PROM1: variants seen among roughly 807,000 people sequenced by gnomAD.
PROM1 encodes prominin 1.
Under a neutral mutation model 116.9 loss-of-function variants are expected in PROM1, and 105 were observed. The observed-to-expected ratio is 0.90, with a 90% CI of 0.77 to 1.06. PROM1 has a LOEUF of 1.06. Among genes scored for constraint, PROM1 ranks in the 50% least tolerant of loss-of-function variants. The pLI is 0.00. For synonymous variants in PROM1, 393 were observed against 387.0 expected, an observed-to-expected ratio of 1.02 and a Z score of -0.18; for missense variants, 1,122 against 1,045.2, an observed-to-expected ratio of 1.07 and a Z score of -1.01.
In PROM1 at chr4:16,076,026, T is replaced by C; in HGVS notation, c.-120A>G. ...GAAGAGGAGCAGGAAGCACTGGATC[T>C]GCTGAATCTTCAGTTTTCTGTCTGA... On this transcript the variant is annotated 5_prime_UTR_variant, in exon 2 of 28. Coordinates refer to ENST00000447510, the MANE Select transcript of PROM1 (RefSeq NM_006017.3). 1 of 1,443,758 alleles carries C rather than the reference T, an allele frequency of 6.9e-7. No homozygotes were observed. Among genetic ancestry groups the C allele is most frequent in the Middle Eastern group, 2.6e-4 (1 of 3,886 alleles). 89.4% of individuals were successfully genotyped at this position (1,443,758 alleles called of 1,614,324 possible).
chr4:16,039,048 T>C (rs930091656), intron 2 of PROM1, 47 bp from the exon 3 acceptor site: 4 of 1,399,850 alleles, frequency 2.9e-6, no homozygotes, highest in African/African-American at 1.5e-5. Flanking sequence ...TCAGTAAAAT[T>C]ATAAAATGCA....
At chr4:15,995,849 T>C (rs1262858818) in intron 15 of PROM1, among the ~76,000 whole-genome samples, 2 of 152,218 alleles carry the variant, frequency 1.3e-5, no homozygotes, top group Non-Finnish European at 2.9e-5. Flanking sequence ...CCTGTAAGTA[T>C]CACTGTATTC....
rs1256883971 is a variant in PROM1 at position 15,989,718 on chromosome 4, T to C, written c.2076+14A>G. 1.9e-6 allele frequency: 3 copies of C among 1,574,696 alleles called. No homozygotes were observed. Among genetic ancestry groups the C allele is most frequent in the Non-Finnish European group, 2.6e-6 (3 of 1,151,894 alleles). ...TCAGGTCACAGTGAAATACAATACGTCGTTGACTGTTACCAGTGATTGTTC... is the reference window on the plus strand; with the variant it reads ...TCAGGTCACAGTGAAATACAATACGCCGTTGACTGTTACCAGTGATTGTTC... On this transcript the variant is annotated intron_variant, in intron 19 of 27. Coordinates refer to ENST00000447510, the MANE Select transcript of PROM1 (RefSeq NM_006017.3).
intron 2 of PROM1, among the ~76,000 whole-genome samples, chr4:16,054,746 G>A (rs980829237): frequency 2.0e-5 from 3 of 152,048 alleles, no homozygotes; most frequent in Non-Finnish European, 4.4e-5. Flanking sequence ...AATCCAGCCA[G>A]ATCCCCGACC....
intron 1 of PROM1, chr4:16,079,862 A>T (rs112480360): frequency 1.3e-5 from 2 of 151,822 alleles, no homozygotes; most frequent in Non-Finnish European, 2.9e-5. Context: ...AAGCTCCCCA[A>T]ATGCCCTTTT....
chr4:16,028,558 T>C (rs560730713), intron 5 of PROM1, among the ~76,000 whole-genome samples: 1 of 152,212 alleles, frequency 6.6e-6, no homozygotes, highest in Admixed American at 6.5e-5. Flanking sequence ...AAACCTTCTA[T>C]TCAAACACAA....
At chr4:16,018,271 C>T (rs1424504546) in intron 9 of PROM1, 52 bp downstream of exon 9, 15 of 1,573,998 alleles carry the variant, frequency 9.5e-6, no homozygotes, top group Middle Eastern at 2.3e-4. Flanking sequence ...TAGCCCTGCC[C>T]GGCAATCCCC....
intron 8 of PROM1, 121 bp downstream of exon 8, chr4:16,023,205 G>A: frequency 1.2e-6 from 1 of 804,794 alleles, no homozygotes; most frequent in Non-Finnish European, 2.1e-6. Flanking sequence ...CTGTCTGCAT[G>A]GCCACGGACG....
chr4:15,999,786 G>GA (rs1166527273), intron 14 of PROM1, among the ~76,000 whole-genome samples: 1 of 151,096 alleles, frequency 6.6e-6, no homozygotes, highest in Non-Finnish European at 1.5e-5. Flanking sequence ...ATCTTAGGCG[G>GA]AAAAATGTAT....
chr4:16,006,180 A>G (rs1725419155), intron 13 of PROM1, among the ~76,000 whole-genome samples: 1 of 152,260 alleles, frequency 6.6e-6, no homozygotes, highest in South Asian at 2.1e-4. Flanking sequence ...GTGAGTGAAT[A>G]AATGAATGAA....
intron 26 of PROM1, chr4:15,971,849 T>C (rs1337529901): frequency 6.6e-6 from 1 of 152,258 alleles, no homozygotes; most frequent in Non-Finnish European, 1.5e-5. Context: ...CTAAAGTTTT[T>C]CACTTTAGAA....
intron 13 of PROM1, among the ~76,000 whole-genome samples, chr4:16,002,633 T>A (rs1381418696): frequency 1.3e-5 from 2 of 152,100 alleles, no homozygotes; most frequent in African/African-American, 4.8e-5. Context: ...TTCTCTGACC[T>A]ACAAGGCTTC....
chr4:16,058,396 G>T (rs1445739936), intron 2 of PROM1, among the ~76,000 whole-genome samples: 2 of 152,112 alleles, frequency 1.3e-5, no homozygotes, highest in African/African-American at 4.8e-5. Context: ...TAAACTATCA[G>T]AAATGAAAAA....
At chr4:15,992,137 G>A (rs1721211744) in intron 17 of PROM1, 111 bp downstream of exon 17, 1 of 1,398,724 alleles carries the variant, frequency 7.1e-7, no homozygotes, top group Non-Finnish European at 1.0e-6. Context: ...CTTTAAAATA[G>A]TCTTACATCA....
chr4:16,081,869 T>C (rs1745104479), intron 1 of PROM1, among the ~76,000 whole-genome samples: 1 of 151,544 alleles, frequency 6.6e-6, no homozygotes, highest in South Asian at 2.1e-4. Context: ...TAGAAAAGTT[T>C]AGAAATCAGA....
chr4:15,974,649 T>A (rs1303646047), intron 26 of PROM1, among the ~76,000 whole-genome samples: 1 of 152,174 alleles, frequency 6.6e-6, no homozygotes, highest in African/African-American at 2.4e-5. Context: ...TTTTTTTTCA[T>A]TTATAAACAC....
At chr4:16,015,116 C>T (rs930802206) in intron 10 of PROM1, among the ~76,000 whole-genome samples, 1 of 150,604 alleles carries the variant, frequency 6.6e-6, no homozygotes, top group African/African-American at 2.4e-5. Flanking sequence ...GAGGCCGAGG[C>T]GGGTGGGTCA....
intron 14 of PROM1, among the ~76,000 whole-genome samples, chr4:15,999,584 C>T (rs73230290): frequency 0.12 from 18,704 of 152,066 alleles, 1,367 homozygotes; most frequent in Non-Finnish European, 0.17. Context: ...TGAAATATCC[C>T]GTACTTAAGA....
At chr4:16,053,961 G>A (rs1416654873) in intron 2 of PROM1, among the ~76,000 whole-genome samples, 1 of 152,206 alleles carries the variant, frequency 6.6e-6, no homozygotes, top group African/African-American at 2.4e-5. Flanking sequence ...AGGTGTGGTG[G>A]TGAGCACTTG....
Sources: allele counts gnomAD v4.1 joint callset (sites outside exome capture counted in the v4.1 genomes callset), GRCh38; gene constraint gnomAD v4.1.1; transcripts MANE v1.5; gene names NCBI Gene and HGNC (gene_info 2026-07-23, HGNC 2026-07-21).